Variants in SGIP1 observed in about 807,000 individuals in gnomAD.
SGIP1 encodes the protein SH3GL interacting endocytic adaptor 1.
SGIP1 carries 38 observed loss-of-function variants against 107.5 expected under a neutral mutation model. The ratio of observed to expected loss-of-function variants is 0.35; its 90% confidence interval spans 0.27 to 0.46. The LOEUF is 0.46. Ranked by LOEUF, SGIP1 falls within the 20% of genes least tolerant of loss-of-function variation. The pLI, the probability that SGIP1 is intolerant of heterozygous loss-of-function variation, is 1.00. For missense variants in SGIP1, 929 were observed against 1,019.5 expected, an observed-to-expected ratio of 0.91 and a Z score of 1.21; for synonymous variants, 365 against 366.1, an observed-to-expected ratio of 1.00 and a Z score of 0.03.
intron 1 of SGIP1, among the ~76,000 whole-genome samples, chr1:66,594,631 T>C (rs1410520815): frequency 2.6e-5 from 4 of 152,110 alleles, no homozygotes; most frequent in Non-Finnish European, 4.4e-5. Context: ...CACCAGAGAT[T>C]TGCATATAAA....
intron 1 of SGIP1, among the ~76,000 whole-genome samples, chr1:66,581,436 C>T (rs2061811185): frequency 6.6e-6 from 1 of 151,882 alleles, no homozygotes; most frequent in African/African-American, 2.4e-5. Context: ...ATAGTAGGAG[C>T]TCAATCTTAG....
At chr1:66,560,705 T>A (rs1444637276) in intron 1 of SGIP1, among the ~76,000 whole-genome samples, 2 of 152,050 alleles carry the variant, frequency 1.3e-5, no homozygotes, top group Admixed American at 6.6e-5. Flanking sequence ...CTAATAAATG[T>A]TACTTTTTAA....
chr1:66,698,789 T>C (rs924596854), intron 18 of SGIP1, among the ~76,000 whole-genome samples: 3 of 152,096 alleles, frequency 2.0e-5, no homozygotes, highest in African/African-American at 2.4e-5. Context: ...ATAGAAGATA[T>C]GACTGTTAGC....
intron 23 of SGIP1, 39 bp from the exon 24 acceptor site, chr1:66,741,233 A>G (rs369240480): frequency 4.6e-5 from 70 of 1,518,092 alleles, no homozygotes; most frequent in Non-Finnish European, 6.1e-5. Flanking sequence ...CCGAAATATT[A>G]TGTTGACTGT....
At chr1:66,627,436 G>C (rs1288997587) in intron 2 of SGIP1, among the ~76,000 whole-genome samples, 1 of 152,124 alleles carries the variant, frequency 6.6e-6, no homozygotes, top group Non-Finnish European at 1.5e-5. Context: ...GGCAAGGCTG[G>C]AAAGGAGACC....
intron 1 of SGIP1, among the ~76,000 whole-genome samples, chr1:66,597,402 T>G (rs1268575707): frequency 6.6e-6 from 1 of 152,270 alleles, no homozygotes; most frequent in African/African-American, 2.4e-5. Context: ...TGCTATTTGT[T>G]TTATTTTCTG....
chr1:66,674,610 C>T (rs2084743950), intron 12 of SGIP1, among the ~76,000 whole-genome samples: 1 of 152,166 alleles, frequency 6.6e-6, no homozygotes, highest in African/African-American at 2.4e-5. Context: ...AATTTTATTA[C>T]TCTTTCAGGT....
intron 15 of SGIP1, among the ~76,000 whole-genome samples, chr1:66,682,935 GA>G (rs543274111): frequency 2.6e-5 from 4 of 151,216 alleles, no homozygotes; most frequent in Non-Finnish European, 5.9e-5. Context: ...AGAAGCAAAA[GA>G]AAAAAAATGG....
intron 1 of SGIP1, among the ~76,000 whole-genome samples, chr1:66,541,298 C>T (rs1266862166): frequency 2.0e-5 from 3 of 152,236 alleles, no homozygotes; most frequent in Non-Finnish European, 4.4e-5. Context: ...CATCCTTTTG[C>T]AGAAGTCAGT....
In SGIP1 at chr1:66,660,562, T is replaced by G. The variant is rs2081270487; in HGVS notation, c.471+38T>G. 7 of 1,581,616 alleles carry G rather than the reference T, an allele frequency of 4.4e-6. No homozygotes were observed. In the African/African-American group the frequency reaches 9.4e-5, roughly 21 times the overall value. ...TCCTTCCCGCTTTTGGGGCAAACAT[T>G]ATTTATTCTGTTTATTTTCATTATC... On this transcript the variant is annotated intron_variant, in intron 8 of 24. Coordinates refer to ENST00000371037, the MANE Select transcript of SGIP1 (RefSeq NM_032291.4).
chr1:66,730,705 G>A (rs1299161369), intron 20 of SGIP1, among the ~76,000 whole-genome samples: 1 of 152,090 alleles, frequency 6.6e-6, no homozygotes, highest in Non-Finnish European at 1.5e-5. Context: ...TTGCCTTTGA[G>A]GCCTTGAGTT....
At chr1:66,594,061 C>G (rs972797733) in intron 1 of SGIP1, among the ~76,000 whole-genome samples, 1 of 152,024 alleles carries the variant, frequency 6.6e-6, no homozygotes. Flanking sequence ...TTCTTCACAA[C>G]TTAAAGTTAT....
At chr1:66,742,759 G>A (rs576526280) in intron 24 of SGIP1, among the ~76,000 whole-genome samples, 4 of 149,076 alleles carry the variant, frequency 2.7e-5, no homozygotes, top group Admixed American at 1.3e-4. Context: ...GTGAGCCACC[G>A]CGCCCGGCCT....
rs2094594242 is a variant in SGIP1 at position 66,749,339 on chromosome 1, G to A, written c.*6244G>A. On this transcript the variant is annotated 3_prime_UTR_variant, in exon 25 of 25. Coordinates refer to ENST00000371037, the MANE Select transcript of SGIP1 (RefSeq NM_032291.4). ...GTTGACAGTATTTTTACATCAGCTT[G>A]TCAGAAATTATATTAAAAACACTTT... Among the ~76,000 whole-genome samples, 1 of 151,790 alleles carries A rather than the reference G, an allele frequency of 6.6e-6. No individual in the cohort carries two copies. The highest frequency in any genetic ancestry group is 1.5e-5 in the Non-Finnish European group (1 of 67,876).
intron 1 of SGIP1, among the ~76,000 whole-genome samples, chr1:66,547,376 T>A (rs546474200): frequency 1.3e-5 from 2 of 152,320 alleles, no homozygotes; most frequent in South Asian, 4.1e-4. Context: ...GTTTAAAGTG[T>A]GTTCAACTGA....
At chr1:66,673,990 C>T (rs1337492470) in intron 12 of SGIP1, among the ~76,000 whole-genome samples, 2 of 71,796 alleles carry the variant, frequency 2.8e-5, no homozygotes, top group African/African-American at 9.5e-5. Flanking sequence ...CATACGGAGA[C>T]CCCCATCTCT....
intron 3 of SGIP1, among the ~76,000 whole-genome samples, chr1:66,635,623 C>T (rs2075627526): frequency 6.6e-6 from 1 of 152,140 alleles, no homozygotes; most frequent in African/African-American, 2.4e-5. Context: ...TGTCCTTGTG[C>T]CTGTTCTCTA....
chr1:66,589,196 AT>A (rs1557989979), intron 1 of SGIP1, among the ~76,000 whole-genome samples: 5 of 55,278 alleles, frequency 9.0e-5, no homozygotes. Context: ...ATATATATAT[AT>A]ATATATATAT....
intron 21 of SGIP1, among the ~76,000 whole-genome samples, 161 bp from the exon 22 acceptor site, chr1:66,739,174 G>A (rs983466462): frequency 1.3e-5 from 2 of 152,024 alleles, no homozygotes; most frequent in Non-Finnish European, 2.9e-5. Context: ...TTTTTAGTCT[G>A]TAACAGTTTA....
Sources: gnomAD v4.1 joint callset for allele counts (sites outside exome capture counted in the v4.1 genomes callset) on GRCh38, gnomAD v4.1.1 for gene constraint, MANE v1.5 for transcripts, NCBI Gene and HGNC (gene_info 2026-07-23, HGNC 2026-07-21) for gene names.